CLSTN3: variants seen among roughly 807,000 people sequenced by gnomAD.
The protein encoded by CLSTN3 is calsyntenin 3.
CLSTN3 carries 36 observed loss-of-function variants against 95.9 expected under a neutral mutation model. The ratio of observed to expected loss-of-function variants is 0.38; its 90% confidence interval spans 0.29 to 0.50. CLSTN3 has a LOEUF of 0.50. Among genes scored for constraint, CLSTN3 ranks in the 20% least tolerant of loss-of-function variants. CLSTN3 has a pLI of 0.95. For missense variants in CLSTN3, 1,084 were observed against 1,268.8 expected, an observed-to-expected ratio of 0.85 and a Z score of 2.21; for synonymous variants, 481 against 504.0, an observed-to-expected ratio of 0.95 and a Z score of 0.61.
In CLSTN3 at chr12:7,130,424, G is replaced by A; in HGVS notation, c.-225G>A. On this transcript the variant is annotated 5_prime_UTR_variant, in exon 1 of 18. Coordinates refer to ENST00000266546, the MANE Select transcript of CLSTN3 (RefSeq NM_014718.4). Reference sequence around the variant, plus strand: ...GTGAGAGAGTGAGGACGCTGGGCTGGGGGAAACGGGAAGCCGCTGCAAGTC... The same window carrying A: ...GTGAGAGAGTGAGGACGCTGGGCTGAGGGAAACGGGAAGCCGCTGCAAGTC... The A allele has an allele frequency of 6.9e-7, 1 of 1,449,954 alleles. No homozygotes were observed. Among genetic ancestry groups the A allele is most frequent in the Non-Finnish European group, 9.1e-7 (1 of 1,102,284 alleles). The allele number at this position is 1,449,954 out of a possible 1,614,324, so 89.8% of individuals were successfully genotyped here. A position where few individuals can be genotyped will look rare whatever the true frequency, so the allele number is the denominator to read the frequency against.
In CLSTN3 at chr12:7,136,395, G is replaced by T. The variant is rs751900783; in HGVS notation, c.928+4G>T. On this transcript the variant is annotated splice_donor_region_variant and intron_variant, in intron 6 of 17. Coordinates refer to ENST00000266546, the MANE Select transcript of CLSTN3 (RefSeq NM_014718.4). ...CGGGCGCTGCGGAAACTCTGTGGTA[G>T]GTGTGCCCCCAACACTGCCTCAGGC... 5 of 1,603,462 alleles carry T rather than the reference G, an allele frequency of 3.1e-6. No homozygotes were observed. Among genetic ancestry groups the T allele is most frequent in the Non-Finnish European group, 4.3e-6 (5 of 1,173,808 alleles).
Position 7,149,458 on chromosome 12 carries a change from G to A in CLSTN3, c.2075-65G>A. 1 of 1,478,630 alleles carries A rather than the reference G, an allele frequency of 6.8e-7. No homozygotes were observed. Among genetic ancestry groups the A allele is most frequent in the Non-Finnish European group, 9.3e-7 (1 of 1,076,480 alleles). The allele number at this position is 1,478,630 out of a possible 1,614,324, so 91.6% of individuals were successfully genotyped here. Reference sequence around the variant, plus strand: ...GGAGGGAGAGTGGTGATGAGGGCATGGTTGGGTCTCAGAACCTCCGTGGGC... The same window carrying A: ...GGAGGGAGAGTGGTGATGAGGGCATAGTTGGGTCTCAGAACCTCCGTGGGC... On this transcript the variant is annotated intron_variant, in intron 13 of 17. Coordinates refer to ENST00000266546, the MANE Select transcript of CLSTN3 (RefSeq NM_014718.4). The surrounding 1 kb of genome is among the most constrained non-coding windows in gnomAD (Gnocchi z 4.5).
chr12:7,150,836 G>C lies in CLSTN3; in HGVS notation c.2392-92G>C. On this transcript the variant is annotated intron_variant, in intron 15 of 17. Coordinates refer to ENST00000266546, the MANE Select transcript of CLSTN3 (RefSeq NM_014718.4). This position sits in a 1 kb window ranked among gnomAD's most constrained non-coding sequence, Gnocchi z 4.0. ...GCAGTGGGTGGAGGAGAAGGAGATG[G>C]GGGCAGTAGTTAGGAGATGGGGCTG... The C allele has an allele frequency of 6.5e-7, 1 of 1,545,476 alleles. No individual in the cohort carries two copies. Among genetic ancestry groups the C allele is most frequent in the Non-Finnish European group, 8.8e-7 (1 of 1,138,242 alleles).
At chr12:7,130,735 T>A (rs1319345354) in intron 1 of CLSTN3, 23 bp downstream of exon 1, 31 of 1,394,170 alleles carry the variant, frequency 2.2e-5, no homozygotes, top group Non-Finnish European at 3.1e-5. Flanking sequence ...GGGGTGGGGG[T>A]ACCGAAAGAG....
chr12:7,133,088 G>A lies in CLSTN3; in HGVS notation c.129G>A (p.Thr43=), dbSNP rs369494711. The A allele has an allele frequency of 1.2e-4, 201 of 1,613,958 alleles. No individual in the cohort carries two copies. Among genetic ancestry groups the A allele is most frequent in the Admixed American group, 6.8e-4 (41 of 59,980 alleles). The change falls in exon 2 of 18, where the codon ACG becomes ACA. Residue 43 remains threonine (T), a synonymous_variant. Coordinates refer to ENST00000266546, the MANE Select transcript of CLSTN3 (RefSeq NM_014718.4). The surrounding 1 kb of genome is among the most constrained non-coding windows in gnomAD (Gnocchi z 4.7). ...YQGIVMENDN[T]VLLNPPLFAL... is the part of the protein sequence containing the mutation. ...GCATCGTCATGGAGAATGACAACACGGTCCTACTGAATCCACCACTCTTTG... is the reference window on the plus strand; with the variant it reads ...GCATCGTCATGGAGAATGACAACACAGTCCTACTGAATCCACCACTCTTTG...
chr12:7,130,222 G>T, upstream of CLSTN3: 2 of 262,420 alleles, frequency 7.6e-6, no homozygotes, highest in East Asian at 1.4e-4. Context: ...CCCCAAAATT[G>T]CAGCCAGGGG....
Position 7,142,835 on chromosome 12 carries a change from C to T in CLSTN3, c.1541-34C>T, listed in dbSNP as rs1939553472. 4 of 1,596,608 alleles carry T rather than the reference C, an allele frequency of 2.5e-6. No individual in the cohort carries two copies. In the South Asian group the frequency reaches 3.3e-5, roughly 13 times the overall value. Reference sequence around the variant, plus strand: ...GTCCTTTTCCATCCTCCTCTCTTCTCACCTCCCGTCCTGCTCCTGTGTTCC... The same window carrying T: ...GTCCTTTTCCATCCTCCTCTCTTCTTACCTCCCGTCCTGCTCCTGTGTTCC... On this transcript the variant is annotated intron_variant, in intron 10 of 17. Transcript: ENST00000266546.
Position 7,158,905 on chromosome 12 carries a change from T to A in CLSTN3, c.*824T>A, listed in dbSNP as rs1457844130. 6.7e-6 allele frequency: 1 copy of A among 149,418 alleles called. No homozygotes were observed. Among genetic ancestry groups the A allele is most frequent in the African/African-American group, 2.5e-5 (1 of 40,400 alleles). The allele number at this position is 149,418 out of a possible 1,614,324, so 9.3% of individuals were successfully genotyped here. ...TGGGTGTGGTGAGGGAGGGGACATA[T>A]CCTAGGGTTTTCAAATAAAACAATC... On this transcript the variant is annotated 3_prime_UTR_variant, in exon 18 of 18. Transcript: ENST00000266546.
In CLSTN3 at chr12:7,130,587, C is replaced by A. The variant is rs953017179; in HGVS notation, c.-62C>A. Reference sequence around the variant, plus strand: ...CTGTATCCCTCCCGCAAGGTGGAATCCGCAGGCTGGAGGCTCCCAGGGGAG... The same window carrying A: ...CTGTATCCCTCCCGCAAGGTGGAATACGCAGGCTGGAGGCTCCCAGGGGAG... On this transcript the variant is annotated 5_prime_UTR_variant, in exon 1 of 18. Transcript: ENST00000266546. 3 of 1,549,940 alleles carry A rather than the reference C, an allele frequency of 1.9e-6. No homozygotes were observed. The highest frequency in any genetic ancestry group is 2.6e-6 in the Non-Finnish European group (3 of 1,147,076).
At position 7,135,529 on chromosome 12, in the gene CLSTN3, A is replaced by G. The variant is rs1348029924; in HGVS notation, c.586A>G (p.Asn196Asp). 6.2e-7 allele frequency: 1 copy of G among 1,613,802 alleles called. No individual in the cohort carries two copies. The highest frequency in any genetic ancestry group is 1.6e-4 in the Middle Eastern group (1 of 6,084). The change falls in exon 4 of 18, where the codon AAT (asparagine) becomes GAT (aspartate). Residue 196 changes from asparagine (N) to aspartate (D), a missense_variant. By Grantham distance (23) the Asn-to-Asp change is conservative. Transcript: ENST00000266546. ...LTPNTPFLID[N>D]DGNIENTEKL... ...ACCCAACACCCCTTTCCTCATTGAC[A>G]ATGACGGTGAGTCCACCCCTGGCTT... is the stretch of plus-strand genomic sequence containing the variant.
chr12:7,144,379 A>G (rs181177854), intron 12 of CLSTN3, among the ~76,000 whole-genome samples: 233 of 152,336 alleles, frequency 1.5e-3, no homozygotes, highest in African/African-American at 5.3e-3. Context: ...AGAGGCAACG[A>G]AAGTATGATA....
chr12:7,143,699 T>C (rs1031666362), intron 12 of CLSTN3, among the ~76,000 whole-genome samples: 4 of 152,168 alleles, frequency 2.6e-5, no homozygotes, highest in African/African-American at 4.8e-5. Context: ...CCTGGCTGCT[T>C]CACTTGTTTT....
rs1368077756 is a variant in CLSTN3, at chr12:7,133,015, T to G, written c.65-9T>G. 6.8e-6 allele frequency: 11 copies of G among 1,612,714 alleles called. No homozygotes were observed. Among genetic ancestry groups the G allele is most frequent in the Non-Finnish European group, 8.5e-6 (10 of 1,179,522 alleles). On this transcript the variant is annotated splice_polypyrimidine_tract_variant and intron_variant, in intron 1 of 17. Coordinates refer to ENST00000266546, the MANE Select transcript of CLSTN3 (RefSeq NM_014718.4). This position sits in a 1 kb window ranked among gnomAD's most constrained non-coding sequence, Gnocchi z 4.7. ...GGTGCTTCCTCTCCTCTCCCTGGGG[T>G]GGGGCCAGCCAACAAGCACAAGCCA...
At chr12:7,130,287 C>T (rs1486691735), upstream of CLSTN3, 4 of 820,370 alleles carry the variant, frequency 4.9e-6, no homozygotes, top group African/African-American at 1.8e-5. Flanking sequence ...GCTCCCTCCC[C>T]CGCTGCAGCA....
In CLSTN3 at chr12:7,150,034, C is replaced by A. The variant is rs1488060854; in HGVS notation, c.2245+341C>A. On this transcript the variant is annotated intron_variant, in intron 14 of 17. Coordinates refer to ENST00000266546, the MANE Select transcript of CLSTN3 (RefSeq NM_014718.4). This position sits in a 1 kb window ranked among gnomAD's most constrained non-coding sequence, Gnocchi z 4.0. ...CTCTAGCTGTCTGTTTGTTACCGGT[C>A]ATCTCTGTTGTTCAGCTCACTCATC... Among the ~76,000 whole-genome samples the A allele has an allele frequency of 6.6e-6, 1 of 152,166 alleles. No homozygotes were observed. Among genetic ancestry groups the A allele is most frequent in the Non-Finnish European group, 1.5e-5 (1 of 68,032 alleles).
intron 12 of CLSTN3, among the ~76,000 whole-genome samples, chr12:7,147,838 A>G (rs1939647869): frequency 6.6e-6 from 1 of 152,092 alleles, no homozygotes; most frequent in Non-Finnish European, 1.5e-5. Context: ...ATTTTACAGC[A>G]TAGAAATGAG....
In CLSTN3 at chr12:7,149,190, A is replaced by C. The variant is rs772337664; in HGVS notation, c.2066A>C (p.Gln689Pro). 2 of 1,606,116 alleles carry C rather than the reference A, an allele frequency of 1.2e-6. No homozygotes were observed. The highest frequency in any genetic ancestry group is 1.7e-6 in the Non-Finnish European group (2 of 1,174,956). The change falls in exon 13 of 18, where the codon CAG becomes CCG. Residue 689 changes from glutamine to proline, a missense_variant. By Grantham distance (76) the Gln-to-Pro change is moderately conservative. Transcript: ENST00000266546. The surrounding 1 kb of genome is among the most constrained non-coding windows in gnomAD (Gnocchi z 4.5). ...QVEAKKDESW[Q>P]GTVTDTRMSD... ...GAGGCCAAAAAGGATGAGAGTTGGC[A>C]GGGCACAGGTAAGGACGACTTCGGG...
chr12:7,150,852 G>C lies in CLSTN3; in HGVS notation c.2392-76G>C. On this transcript the variant is annotated intron_variant, in intron 15 of 17. Coordinates refer to ENST00000266546, the MANE Select transcript of CLSTN3 (RefSeq NM_014718.4). The surrounding 1 kb of genome is among the most constrained non-coding windows in gnomAD (Gnocchi z 4.0). The stretch of plus-strand genomic sequence containing the variant: ...AAGGAGATGGGGGCAGTAGTTAGGA[G>C]ATGGGGCTGGGGTCTAGAGAAGTGG... 6.5e-7 allele frequency: 1 copy of C among 1,548,734 alleles called. No homozygotes were observed. Among genetic ancestry groups the C allele is most frequent in the East Asian group, 2.3e-5 (1 of 44,044 alleles).
Position 7,150,435 on chromosome 12 carries a change from A to G in CLSTN3, c.2246-109A>G, listed in dbSNP as rs138220560. The G allele has an allele frequency of 1.2e-4, 162 of 1,351,224 alleles. 1 individual carries two copies. In the African/African-American group the frequency reaches 1.5e-3, roughly 12 times the overall value. The allele number at this position is 1,351,224 out of a possible 1,614,324, so 83.7% of individuals were successfully genotyped here. A position where few individuals can be genotyped will look rare whatever the true frequency, so the allele number is the denominator to read the frequency against. On this transcript the variant is annotated intron_variant, in intron 14 of 17. Coordinates refer to ENST00000266546, the MANE Select transcript of CLSTN3 (RefSeq NM_014718.4). The surrounding 1 kb of genome is among the most constrained non-coding windows in gnomAD (Gnocchi z 4.0). ...TCGCACTTCTGCGGAGATGGGGCTG[A>G]CCTGCTCTACAGCTTGTGTGGCGTC... is the stretch of plus-strand genomic sequence containing the variant.
Sources: gnomAD v4.1 joint callset for allele counts (sites outside exome capture counted in the v4.1 genomes callset) on GRCh38, gnomAD v4.1.1 for gene constraint, Gnocchi (gnomAD v3.1) non-coding constraint, MANE v1.5 for transcripts, NCBI Gene and HGNC (gene_info 2026-07-23, HGNC 2026-07-21) for gene names.